Variants in FBXL17 observed in about 807,000 individuals in gnomAD.
The protein encoded by FBXL17 is F-box and leucine rich repeat protein 17, also known as F-box/LRR-repeat protein 17.
A neutral mutation model predicts 66.2 loss-of-function variants in FBXL17; 22 were observed. The ratio of observed to expected loss-of-function variants is 0.33; its 90% CI spans 0.24 to 0.47. The LOEUF (loss-of-function observed/expected upper bound fraction) is 0.47, where lower values mean the gene tolerates loss of function less well. Ranked by LOEUF, FBXL17 falls within the 20% of genes least tolerant of loss-of-function variation. The probability of loss-of-function intolerance (pLI) is 1.00; values close to 1 mark genes in which losing one functional copy is unlikely to be tolerated. For synonymous variants in FBXL17, 474 were observed against 400.5 expected (o/e 1.18, Z -2.19); for missense variants, 878 against 948.2 (o/e 0.93, Z 0.97).
intron 4 of FBXL17, among the ~76,000 whole-genome samples, chr5:108,327,893 T>C (rs528635233): frequency 6.7e-4 from 102 of 152,304 alleles, no homozygotes; most frequent in Middle Eastern, 3.4e-3. Flanking sequence ...AGATGCTTTG[T>C]TGGACAGTTC....
intron 8 of FBXL17, among the ~76,000 whole-genome samples, chr5:107,867,306 G>T (rs919387487): frequency 2.6e-5 from 4 of 152,210 alleles, no homozygotes; most frequent in African/African-American, 7.2e-5. Context: ...AGCAGCTCAT[G>T]ATGGTAGTTT....
At position 107,861,822 on chromosome 5, in the gene FBXL17, G is replaced by A; in HGVS notation, c.2004C>T (p.Tyr668=). ...EVTVEQLVQQ[Y]PHITFSTVLQ... ...GGACGGTGCTGAAGGTGATGTGGGG[G>A]TACTGCTGCACCAGCTGTTCCACCG... Residue 668 remains tyrosine, a synonymous_variant, in exon 9 of 9, where the codon TAC becomes TAT. Coordinates refer to ENST00000542267, the MANE Select transcript of FBXL17 (RefSeq NM_001163315.3). 1 of 1,565,888 alleles carries A rather than the reference G, an allele frequency of 6.4e-7. No homozygotes were observed. Among genetic ancestry groups the A allele is most frequent in the Non-Finnish European group, 8.7e-7 (1 of 1,152,074 alleles).
At chr5:108,101,036 A>C (rs1749580056) in intron 6 of FBXL17, among the ~76,000 whole-genome samples, 1 of 152,218 alleles carries the variant, frequency 6.6e-6, no homozygotes, top group South Asian at 2.1e-4. Flanking sequence ...GAATGTCTAC[A>C]CTGCTGTCCA....
chr5:108,039,882 A>G (rs1404036483), intron 6 of FBXL17, among the ~76,000 whole-genome samples: 1 of 152,204 alleles, frequency 6.6e-6, no homozygotes, highest in East Asian at 1.9e-4. Context: ...TACATAATTA[A>G]TGCCTAAAGT....
rs1170047672 is a variant in FBXL17 at position 108,052,984 on chromosome 5, T to C, written c.1746-31983A>G. ...ATTCAATAAATGGTGCTGGGAAAAC[T>C]GGCTAGCTATATGCAGAAAACTGAA... On this transcript the variant is annotated intron_variant, in intron 6 of 8. Transcript: ENST00000542267. 3.9e-5 allele frequency among the ~76,000 whole-genome samples: 6 copies of C among 152,306 alleles called. No individual in the cohort carries two copies. In the East Asian group the frequency reaches 1.2e-3, roughly 29 times the overall value.
intron 7 of FBXL17, among the ~76,000 whole-genome samples, chr5:107,969,141 A>T (rs1752265294): frequency 6.6e-6 from 1 of 152,124 alleles, no homozygotes; most frequent in Admixed American, 6.6e-5. Context: ...AGCAGCAGAG[A>T]CTAGGTGGCC....
chr5:108,359,979 G>A (rs528890778), intron 3 of FBXL17, among the ~76,000 whole-genome samples: 64 of 152,074 alleles, frequency 4.2e-4, no homozygotes, highest in Middle Eastern at 3.4e-3. Flanking sequence ...TCTGTTGTTA[G>A]GTACATATGT....
intron 7 of FBXL17, among the ~76,000 whole-genome samples, chr5:107,951,622 C>T (rs1191192955): frequency 6.6e-6 from 1 of 152,204 alleles, no homozygotes; most frequent in Non-Finnish European, 1.5e-5. Context: ...AAATCAAGGG[C>T]AGTATATGAG....
In FBXL17 at chr5:108,380,861, G is replaced by T; in HGVS notation, c.831C>A (p.Asp277Glu). The T allele has an allele frequency of 8.0e-7, 1 of 1,245,052 alleles. No individual in the cohort carries two copies. Among genetic ancestry groups the T allele is most frequent in the Non-Finnish European group, 1.0e-6 (1 of 987,972 alleles). The allele number at this position is 1,245,052 out of a possible 1,614,324, so 77.1% of individuals were successfully genotyped here. ...GGGCGGTGCCCCCGGCTCGGACAGC[G>T]TCCCCGCCAGCTTCGGTGGGGGCAC... ...SEGAPTEAGG[D>E]AVRAGGTAPL... is the part of the protein sequence containing the mutation. Residue 277 changes from aspartate to glutamate, a missense_variant, in exon 1 of 9, where the codon GAC (aspartate) becomes GAA (glutamate). Asp to Glu is a conservative substitution (Grantham distance 45, BLOSUM62 2). Around this residue, in one of 4 missense-constraint regions of FBXL17, gnomAD observed 605 missense variants for 509.5 expected, o/e 1.19. Transcript: ENST00000542267.
intron 4 of FBXL17, among the ~76,000 whole-genome samples, chr5:108,259,398 T>G (rs1756716341): frequency 6.6e-6 from 1 of 152,190 alleles, no homozygotes; most frequent in Non-Finnish European, 1.5e-5. Flanking sequence ...TTCCAATGTT[T>G]TAAAAACATA....
At chr5:107,973,468 T>C (rs553960876) in intron 7 of FBXL17, among the ~76,000 whole-genome samples, 31 of 151,662 alleles carry the variant, frequency 2.0e-4, no homozygotes, top group Non-Finnish European at 3.8e-4. Flanking sequence ...GCCAAAAGAT[T>C]GGACACCCCA....
chr5:108,062,852 C>G (rs1747977711), intron 6 of FBXL17, among the ~76,000 whole-genome samples: 2 of 152,058 alleles, frequency 1.3e-5, no homozygotes, highest in African/African-American at 4.8e-5. Context: ...ATTTCCAAAG[C>G]AGAGAGCTTT....
intron 7 of FBXL17, among the ~76,000 whole-genome samples, chr5:107,961,752 C>T (rs1232557348): frequency 6.6e-6 from 1 of 152,064 alleles, no homozygotes; most frequent in African/African-American, 2.4e-5. Context: ...TTCAAGAATG[C>T]TTGCATTTCA....
chr5:108,339,059 C>T (rs1447117153), intron 4 of FBXL17, among the ~76,000 whole-genome samples: 1 of 152,094 alleles, frequency 6.6e-6, no homozygotes, highest in African/African-American at 2.4e-5. Flanking sequence ...GGAAAAAGTG[C>T]ATCCTATTAC....
At chr5:108,274,472 T>A (rs1263722369) in intron 4 of FBXL17, among the ~76,000 whole-genome samples, 1 of 152,202 alleles carries the variant, frequency 6.6e-6, no homozygotes. Context: ...TGAACGTTGC[T>A]GTTATCCTGT....
intron 6 of FBXL17, among the ~76,000 whole-genome samples, chr5:108,095,660 C>G (rs538874478): frequency 2.1e-4 from 32 of 151,904 alleles, no homozygotes; most frequent in Non-Finnish European, 4.1e-4. Context: ...GTTAGGAACC[C>G]ATTATGTACA....
intron 4 of FBXL17, among the ~76,000 whole-genome samples, chr5:108,313,003 G>T (rs1209201330): frequency 6.6e-6 from 1 of 151,984 alleles, no homozygotes; most frequent in Non-Finnish European, 1.5e-5. Context: ...TAAATAAAGG[G>T]AAATAATTTC....
rs1414059663 is a variant in FBXL17 at position 108,380,993 on chromosome 5, C to A, written c.699G>T (p.Ala233=). 3 of 1,206,750 alleles carry A rather than the reference C, an allele frequency of 2.5e-6. No individual in the cohort carries two copies. The highest frequency in any genetic ancestry group is 3.1e-6 in the Non-Finnish European group (3 of 971,754). The allele number at this position is 1,206,750 out of a possible 1,614,324, so 74.8% of individuals were successfully genotyped here. The change falls in exon 1 of 9, where the codon GCG becomes GCT. Residue 233 remains alanine (A), a synonymous_variant. Coordinates refer to ENST00000542267, the MANE Select transcript of FBXL17 (RefSeq NM_001163315.3). The part of the protein sequence containing the change: ...GGGGGGGGGP[A]GGGASPPRPP... ...GCCGGGGCGGCGAAGCGCCTCCCCC[C>A]GCAGGCCCTCCCCCGCCACCGCCGC...
At chr5:108,265,422 A>G (rs1353229848) in intron 4 of FBXL17, among the ~76,000 whole-genome samples, 1 of 152,174 alleles carries the variant, frequency 6.6e-6, no homozygotes, top group East Asian at 1.9e-4. Context: ...ACTGTTCTCA[A>G]CAATTCCCAT....
Sources: gnomAD v4.1 joint callset for allele counts (sites outside exome capture counted in the v4.1 genomes callset) on GRCh38, gnomAD v4.1.1 for gene constraint, gnomAD v4.1.1 regional missense constraint, MANE v1.5 for transcripts, NCBI Gene and HGNC (gene_info 2026-07-23, HGNC 2026-07-21) for gene names.